Variants in CACNA1C observed in about 807,000 individuals in gnomAD.
The protein encoded by CACNA1C is calcium voltage-gated channel subunit alpha1 C.
Under a neutral mutation model 229.0 loss-of-function variants are expected in CACNA1C, and 30 were observed. That is an observed-to-expected ratio of 0.13 (90% confidence interval 0.10 to 0.18). CACNA1C has a LOEUF of 0.18. Ranked by LOEUF, CACNA1C falls within the 10% of genes least tolerant of loss-of-function variation. The probability of loss-of-function intolerance (pLI) is 1.00; values close to 1 mark genes in which losing one functional copy is unlikely to be tolerated. For missense variants in CACNA1C, 1,658 were observed against 2,845.0 expected, an observed-to-expected ratio of 0.58 and a Z score of 9.49; for synonymous variants, 1,114 against 1,132.5, an observed-to-expected ratio of 0.98 and a Z score of 0.33.
intron 18 of CACNA1C, among the ~76,000 whole-genome samples, chr12:2,587,163 A>G (rs2062843408): frequency 6.6e-6 from 1 of 152,046 alleles, no homozygotes. Context: ...GTTTATGGCC[A>G]GAGTCTAAAT....
chr12:2,668,326 C>T (rs1040007096), intron 37 of CACNA1C, among the ~76,000 whole-genome samples: 1 of 152,128 alleles, frequency 6.6e-6, no homozygotes, highest in Non-Finnish European at 1.5e-5. Context: ...TCTCCCACTC[C>T]ACGAGGAGGG....
Position 2,285,215 on chromosome 12 carries a change from G to A in CACNA1C, c.478-163761G>A, listed in dbSNP as rs1434707715. 6.6e-6 allele frequency among the ~76,000 whole-genome samples: 1 copy of A among 152,196 alleles called. No homozygotes were observed. Among genetic ancestry groups the A allele is most frequent in the Non-Finnish European group, 1.5e-5 (1 of 68,032 alleles). ...CCTCTTCCTTGGGTCAAGCGGGTGG[G>A]AAGGGCTCATGATTGCTGACTGAAC... is the stretch of plus-strand genomic sequence containing the variant. On this transcript the variant is annotated intron_variant, in intron 3 of 46. Coordinates refer to ENST00000399655, the MANE Select transcript of CACNA1C (RefSeq NM_000719.7). This position sits in a 1 kb window ranked among gnomAD's most constrained non-coding sequence, Gnocchi z 4.2.
chr12:2,597,196 T>G lies in CACNA1C; in HGVS notation c.2794-34T>G, dbSNP rs1285998253. On this transcript the variant is annotated intron_variant, in intron 20 of 46. Coordinates refer to ENST00000399655, the MANE Select transcript of CACNA1C (RefSeq NM_000719.7). The surrounding 1 kb of genome is among the most constrained non-coding windows in gnomAD (Gnocchi z 4.3). ...CCGTCCTGCTTTTCTCCCTTCCCCATCCCATCCCCACCCTGTTCCTTTTTG... is the reference window on the plus strand; with the variant it reads ...CCGTCCTGCTTTTCTCCCTTCCCCAGCCCATCCCCACCCTGTTCCTTTTTG... The G allele has an allele frequency of 7.5e-7, 1 of 1,335,636 alleles. No individual in the cohort carries two copies. Among genetic ancestry groups the G allele is most frequent in the Admixed American group, 1.7e-5 (1 of 59,032 alleles). 82.7% of individuals were successfully genotyped at this position (1,335,636 alleles called of 1,614,324 possible).
Position 2,597,558 on chromosome 12 carries a change from C to T in CACNA1C, c.2853+269C>T, listed in dbSNP as rs868177173. 77 of 1,064,972 alleles carry T rather than the reference C, an allele frequency of 7.2e-5. No individual in the cohort carries two copies. In the South Asian group the frequency reaches 8.8e-4, roughly 12 times the overall value. 66.0% of individuals were successfully genotyped at this position (1,064,972 alleles called of 1,614,324 possible). On this transcript the variant is annotated intron_variant, in intron 21 of 46. Coordinates refer to ENST00000399655, the MANE Select transcript of CACNA1C (RefSeq NM_000719.7). This position sits in a 1 kb window ranked among gnomAD's most constrained non-coding sequence, Gnocchi z 4.3. ...CTTTGTCTATCTCTGCTCTGTGTGG[C>T]TGGATCTTTTGTCTTTTCTGTTTCT...
In CACNA1C at chr12:2,467,914, C is replaced by T. The variant is rs1426073519; in HGVS notation, c.757+10208C>T. Among the ~76,000 whole-genome samples the T allele has an allele frequency of 3.3e-5, 5 of 152,190 alleles. No individual in the cohort carries two copies. Among genetic ancestry groups the T allele is most frequent in the Non-Finnish European group, 5.9e-5 (4 of 68,026 alleles). On this transcript the variant is annotated intron_variant, in intron 5 of 46. Transcript: ENST00000399655. The surrounding 1 kb of genome is among the most constrained non-coding windows in gnomAD (Gnocchi z 4.6). ...TGCTTTGCCTCGGTTTCTCAATCTA[C>T]AAAGAGTGAGTGATGGGGGTGCCAT...
intron 3 of CACNA1C, among the ~76,000 whole-genome samples, chr12:2,148,880 C>T (rs1021271357): frequency 5.3e-5 from 8 of 152,212 alleles, no homozygotes; most frequent in African/African-American, 7.2e-5. Flanking sequence ...CACTACCAGA[C>T]GCAGTCCAGT....
At chr12:2,019,711 T>G (rs549739952) in intron 1 of CACNA1C, among the ~76,000 whole-genome samples, 3 of 152,354 alleles carry the variant, frequency 2.0e-5, no homozygotes, top group African/African-American at 7.2e-5. Flanking sequence ...TCATTTGATT[T>G]GCTCACAGAT....
intron 9 of CACNA1C, among the ~76,000 whole-genome samples, chr12:2,531,129 C>T (rs2099840027): frequency 6.6e-6 from 1 of 152,208 alleles, no homozygotes; most frequent in Non-Finnish European, 1.5e-5. Context: ...TTATCTTTGC[C>T]CTCACTTCAC....
At chr12:2,164,280 G>A (rs2096088950) in intron 3 of CACNA1C, among the ~76,000 whole-genome samples, 1 of 152,218 alleles carries the variant, frequency 6.6e-6, no homozygotes. Flanking sequence ...GTGCCTGGCT[G>A]TGCTGGGTAC....
chr12:2,422,155 C>A (rs149977819), intron 3 of CACNA1C, among the ~76,000 whole-genome samples: 2 of 152,300 alleles, frequency 1.3e-5, no homozygotes, highest in African/African-American at 2.4e-5. Flanking sequence ...ATTCTTCCTC[C>A]ATGAGATGCC....
chr12:2,484,341 A>G (rs745350787), intron 5 of CACNA1C, among the ~76,000 whole-genome samples: 2 of 152,186 alleles, frequency 1.3e-5, no homozygotes, highest in Non-Finnish European at 2.9e-5. Flanking sequence ...GAACAGTAGC[A>G]TATTCAACTC....
chr12:2,476,577 C>A (rs537361825), intron 5 of CACNA1C, among the ~76,000 whole-genome samples: 23 of 152,286 alleles, frequency 1.5e-4, no homozygotes, highest in African/African-American at 5.5e-4. Context: ...TGCCTTTCAC[C>A]ATATGCAGTT....
At chr12:2,088,287 G>C (rs1331421798) in intron 1 of CACNA1C, among the ~76,000 whole-genome samples, 1 of 152,194 alleles carries the variant, frequency 6.6e-6, no homozygotes, top group Non-Finnish European at 1.5e-5. Context: ...CTCCTAGTGA[G>C]GGCTGAAATG....
intron 3 of CACNA1C, among the ~76,000 whole-genome samples, chr12:2,171,546 C>G (rs1043521041): frequency 2.6e-5 from 4 of 152,236 alleles, no homozygotes; most frequent in African/African-American, 9.6e-5. Flanking sequence ...GTCACTTAAA[C>G]TCTTTGAGCC....
intron 3 of CACNA1C, among the ~76,000 whole-genome samples, chr12:2,396,819 C>T (rs975233251): frequency 3.9e-5 from 6 of 152,248 alleles, no homozygotes; most frequent in Non-Finnish European, 7.3e-5. Flanking sequence ...TTCAGAAGTA[C>T]GTGAACACTT....
At chr12:2,178,009 G>A (rs955668221) in intron 3 of CACNA1C, among the ~76,000 whole-genome samples, 1 of 152,188 alleles carries the variant, frequency 6.6e-6, no homozygotes, top group Non-Finnish European at 1.5e-5. Context: ...CACCAAGGGA[G>A]GTGAGGAGCT....
intron 29 of CACNA1C, among the ~76,000 whole-genome samples, chr12:2,621,963 A>G (rs1309983481): frequency 6.6e-6 from 1 of 152,194 alleles, no homozygotes; most frequent in Non-Finnish European, 1.5e-5. Flanking sequence ...TAGAAACTCC[A>G]AGAATCCTGT....
chr12:2,052,125 G>A (rs1190261524), upstream of CACNA1C, among the ~76,000 whole-genome samples: 4 of 152,222 alleles, frequency 2.6e-5, no homozygotes, highest in African/African-American at 9.6e-5. Flanking sequence ...GCTTCTCCGG[G>A]AAGGAGAGGT....
chr12:2,266,381 G>A (rs1352033161), intron 3 of CACNA1C, among the ~76,000 whole-genome samples: 1 of 152,206 alleles, frequency 6.6e-6, no homozygotes, highest in Non-Finnish European at 1.5e-5. Flanking sequence ...GGGTTGCAGG[G>A]CCTTGGGCAT....
Sources: allele counts gnomAD v4.1 joint callset (sites outside exome capture counted in the v4.1 genomes callset), GRCh38; gene constraint gnomAD v4.1.1; non-coding constraint Gnocchi (gnomAD v3.1); transcripts MANE v1.5; gene names NCBI Gene and HGNC (gene_info 2026-07-23, HGNC 2026-07-21).